The following EYS variants were observed in gnomAD, a reference collection of about 807,000 sequenced individuals.
EYS encodes EGF-like photoreceptor maintenance factor.
EYS carries 250 observed loss-of-function variants against 282.1 expected under a neutral mutation model. The ratio of observed to expected loss-of-function variants is 0.89; its 90% confidence interval spans 0.80 to 0.98. EYS has a LOEUF of 0.98. EYS is among the 50% of genes least tolerant of loss of function. The probability of loss-of-function intolerance (pLI) is 0.00; values close to 1 mark genes in which losing one functional copy is unlikely to be tolerated. For synonymous variants in EYS, 1,355 were observed against 1,282.9 expected (o/e 1.06, Z -1.20); for missense variants, 4,016 against 3,709.0 (o/e 1.08, Z -2.15).
At chr6:65,547,729 T>TTTG (rs1299476903) in intron 2 of EYS, among the ~76,000 whole-genome samples, 2 of 152,160 alleles carry the variant, frequency 1.3e-5, no homozygotes, top group Admixed American at 1.3e-4. Flanking sequence ...CTTTTGGAAT[T>TTTG]TTGTTGTTGT....
intron 22 of EYS, among the ~76,000 whole-genome samples, chr6:64,769,711 A>G (rs954003278): frequency 2.0e-5 from 3 of 152,030 alleles, no homozygotes; most frequent in African/African-American, 7.2e-5. Flanking sequence ...GAACCACGAA[A>G]TTCTTCCTGA....
intron 22 of EYS, among the ~76,000 whole-genome samples, chr6:64,808,927 G>A (rs1764514326): frequency 6.6e-6 from 1 of 152,028 alleles, no homozygotes; most frequent in Non-Finnish European, 1.5e-5. Context: ...TAATAGTAGA[G>A]GAAGATATTT....
At chr6:65,655,165 A>G (rs1391449456) in intron 1 of EYS, among the ~76,000 whole-genome samples, 1 of 151,634 alleles carries the variant, frequency 6.6e-6, no homozygotes, top group Non-Finnish European at 1.5e-5. Context: ...TTTCTGGATG[A>G]CATTGAAAAC....
chr6:64,808,883 G>A (rs946311176), intron 22 of EYS, among the ~76,000 whole-genome samples: 3 of 152,050 alleles, frequency 2.0e-5, no homozygotes, highest in Non-Finnish European at 4.4e-5. Flanking sequence ...AATCTGATAT[G>A]ACTCTGACCT....
chr6:65,512,525 A>C (rs1766934876), intron 2 of EYS, among the ~76,000 whole-genome samples: 1 of 151,694 alleles, frequency 6.6e-6, no homozygotes, highest in South Asian at 2.1e-4. Flanking sequence ...TACATTGTAA[A>C]GTAATTTTAA....
chr6:63,896,510 C>A (rs1773540822), intron 35 of EYS, among the ~76,000 whole-genome samples: 1 of 152,198 alleles, frequency 6.6e-6, no homozygotes, highest in Non-Finnish European at 1.5e-5. Context: ...ATATCAACAT[C>A]CCACCTCAGA....
chr6:65,005,661 G>T (rs984657021), intron 13 of EYS, among the ~76,000 whole-genome samples: 1 of 147,640 alleles, frequency 6.8e-6, no homozygotes, highest in Non-Finnish European at 1.5e-5. Context: ...GAGGCTATCT[G>T]GGGAAGGGCT....
At chr6:64,215,049 A>T (rs1765889368) in intron 31 of EYS, among the ~76,000 whole-genome samples, 1 of 152,014 alleles carries the variant, frequency 6.6e-6, no homozygotes, top group Admixed American at 6.6e-5. Flanking sequence ...GATTTCTATT[A>T]TCTAAAGATC....
At chr6:63,760,188 T>A (rs1300634029) in intron 41 of EYS, among the ~76,000 whole-genome samples, 1 of 152,004 alleles carries the variant, frequency 6.6e-6, no homozygotes, top group Admixed American at 6.6e-5. Flanking sequence ...TGGTGCACAA[T>A]AGCTAGAATT....
chr6:65,590,893 T>TA (rs1765209015), intron 2 of EYS, among the ~76,000 whole-genome samples: 1 of 151,968 alleles, frequency 6.6e-6, no homozygotes. Flanking sequence ...GATGGACACT[T>TA]AGATTCCATA....
intron 5 of EYS, among the ~76,000 whole-genome samples, chr6:65,472,443 G>A (rs1328302568): frequency 6.6e-6 from 1 of 151,986 alleles, no homozygotes; most frequent in Non-Finnish European, 1.5e-5. Flanking sequence ...GGAAAAGTTT[G>A]TGGAACAAAT....
rs1370384062 is a variant in EYS at position 64,086,992 on chromosome 6, G to T, written c.6425-4990C>A. Among the ~76,000 whole-genome samples the T allele has an allele frequency of 2.0e-5, 3 of 152,260 alleles. No individual in the cohort carries two copies. In the East Asian group the frequency reaches 5.8e-4, roughly 29 times the overall value. On this transcript the variant is annotated intron_variant, in intron 31 of 42. Coordinates refer to ENST00000503581, the MANE Select transcript of EYS (RefSeq NM_001142800.2). ...AAAAGCCATATACCAATCAAGTTAAGATGCAATGTAACTAGCTAGACACTA... is the reference window on the plus strand; with the variant it reads ...AAAAGCCATATACCAATCAAGTTAATATGCAATGTAACTAGCTAGACACTA...
rs1772996807 is a variant in EYS, at chr6:64,757,744, T to TG, written c.3443+55633_3443+55634insC. Among the ~76,000 whole-genome samples, 761 of 139,906 alleles carry TG rather than the reference T, an allele frequency of 5.4e-3. 12 individuals carry two copies. The East Asian group carries it at 0.081, about 15-fold the overall frequency. The allele number at this position is 139,906 out of a possible 152,430, so 91.8% of individuals were successfully genotyped here. On this transcript the variant is annotated intron_variant, in intron 22 of 42. Coordinates refer to ENST00000503581, the MANE Select transcript of EYS (RefSeq NM_001142800.2). Reference sequence around the variant, plus strand: ...AGATTAATTTTTTTTCTTTTTTTCTTTGTGTGTGTGTGTGTGTGTGTGTGT... The same window carrying TG: ...AGATTAATTTTTTTTCTTTTTTTCTTGTGTGTGTGTGTGTGTGTGTGTGTGT...
At chr6:64,170,144 G>T (rs1184795621) in intron 31 of EYS, among the ~76,000 whole-genome samples, 2 of 151,990 alleles carry the variant, frequency 1.3e-5, no homozygotes, top group East Asian at 3.9e-4. Flanking sequence ...ACTTCACTAG[G>T]TTTGCTTTTC....
intron 5 of EYS, among the ~76,000 whole-genome samples, chr6:65,467,746 C>A (rs549430663): frequency 6.6e-6 from 1 of 151,758 alleles, no homozygotes; most frequent in Non-Finnish European, 1.5e-5. Flanking sequence ...TAAAAAGGAG[C>A]CGCAAATGTA....
At chr6:65,023,739 G>A (rs925218823) in intron 13 of EYS, among the ~76,000 whole-genome samples, 8 of 152,180 alleles carry the variant, frequency 5.3e-5, no homozygotes, top group African/African-American at 7.2e-5. Flanking sequence ...GCATGAAATC[G>A]CAAGAGCAGT....
rs1051271804 is a variant in EYS at position 65,183,756 on chromosome 6, A to C, written c.2023+112107T>G. On this transcript the variant is annotated intron_variant, in intron 12 of 42. Coordinates refer to ENST00000503581, the MANE Select transcript of EYS (RefSeq NM_001142800.2). ...TGAAACAAATGTGTCATATAGATGG[A>C]GACACTGAAGAAAAAAATAGGAAGA... 2.0e-5 allele frequency among the ~76,000 whole-genome samples: 3 copies of C among 151,722 alleles called. No homozygotes were observed. The Admixed American group carries it at 2.0e-4, about 10-fold the overall frequency.
At chr6:64,770,609 C>T (rs569026431) in intron 22 of EYS, among the ~76,000 whole-genome samples, 16 of 151,914 alleles carry the variant, frequency 1.1e-4, no homozygotes, top group South Asian at 8.3e-4. Context: ...ACTCAATCGT[C>T]GAAACTAGGT....
chr6:64,249,403 G>A (rs1487613890), intron 30 of EYS, among the ~76,000 whole-genome samples: 1 of 152,098 alleles, frequency 6.6e-6, no homozygotes, highest in East Asian at 1.9e-4. Context: ...GGAGGGGGGT[G>A]GATGATGAGA....
Sources: gnomAD v4.1 joint callset for allele counts (sites outside exome capture counted in the v4.1 genomes callset) on GRCh38, gnomAD v4.1.1 for gene constraint, MANE v1.5 for transcripts, NCBI Gene and HGNC (gene_info 2026-07-23, HGNC 2026-07-21) for gene names.